HIPK2: variants seen among roughly 807,000 people sequenced by gnomAD.
HIPK2 encodes the protein homeodomain-interacting protein kinase 2.
A neutral mutation model predicts 113.7 loss-of-function variants in HIPK2; 27 were observed. The ratio of observed to expected loss-of-function variants is 0.24; its 90% confidence interval spans 0.17 to 0.33. The LOEUF is 0.33. Ranked by LOEUF, HIPK2 falls within the 10% of genes least tolerant of loss-of-function variation. The probability of loss-of-function intolerance (pLI) is 1.00; values close to 1 mark genes in which losing one functional copy is unlikely to be tolerated. For missense variants in HIPK2, 1,257 were observed against 1,588.0 expected (o/e 0.79, Z 3.54); for synonymous variants, 631 against 642.2 (o/e 0.98, Z 0.26).
chr7:139,632,554 C>T (rs1800654313), intron 2 of HIPK2, among the ~76,000 whole-genome samples: 1 of 152,132 alleles, frequency 6.6e-6, no homozygotes, highest in South Asian at 2.1e-4. Flanking sequence ...ACCAGGATTC[C>T]AGCGTAAACT....
intron 2 of HIPK2, among the ~76,000 whole-genome samples, chr7:139,663,542 A>G (rs1218111443): frequency 6.6e-6 from 1 of 152,290 alleles, no homozygotes; most frequent in East Asian, 1.9e-4. Flanking sequence ...CTGGTATTCT[A>G]TGCCAAACCA....
chr7:139,700,090 G>A (rs1488047658), intron 2 of HIPK2, among the ~76,000 whole-genome samples: 3 of 152,218 alleles, frequency 2.0e-5, no homozygotes, highest in African/African-American at 7.2e-5. Flanking sequence ...CCTCAGTGGC[G>A]CTCTCTAGAG....
chr7:139,712,024 G>C (rs1795082595), intron 2 of HIPK2, among the ~76,000 whole-genome samples: 1 of 152,108 alleles, frequency 6.6e-6, no homozygotes, highest in African/African-American at 2.4e-5. Flanking sequence ...CTTTCTCCCA[G>C]GGTACTCCCA....
chr7:139,596,856 C>T lies in HIPK2; in HGVS notation c.2578G>A (p.Gly860Ser), dbSNP rs1799234817. 6.2e-7 allele frequency: 1 copy of T among 1,613,964 alleles called. No homozygotes were observed. Among genetic ancestry groups the T allele is most frequent in the Non-Finnish European group, 8.5e-7 (1 of 1,179,898 alleles). ...ACSTSVTCGWGDVASSTTRER... is the reference protein window; with the variant it reads ...ACSTSVTCGWSDVASSTTRER... ...CGGGTGGTGCTGGAGGCCACGTCGC[C>T]CCACCCACAGGTGACCGAGGTGCTG... Residue 860 changes from glycine (G) to serine (S), a missense_variant, in exon 12 of 15, where the codon GGC becomes AGC. Transcript: ENST00000406875.
chr7:139,641,941 TA>T (rs1801040598), intron 2 of HIPK2, among the ~76,000 whole-genome samples: 1 of 152,084 alleles, frequency 6.6e-6, no homozygotes, highest in African/African-American at 2.4e-5. Flanking sequence ...TCACCATCTA[TA>T]AAATGTGATT....
intron 1 of HIPK2, among the ~76,000 whole-genome samples, chr7:139,719,035 T>C (rs1473562382): frequency 1.3e-5 from 2 of 152,204 alleles, no homozygotes; most frequent in Non-Finnish European, 2.9e-5. Flanking sequence ...TGACCACGAC[T>C]TCCTTCTTGA....
chr7:139,751,919 A>C (rs1419107897), intron 1 of HIPK2, among the ~76,000 whole-genome samples: 1 of 152,174 alleles, frequency 6.6e-6, no homozygotes, highest in East Asian at 1.9e-4. Context: ...CAAAGATCAC[A>C]GAAGGAAGGA....
At chr7:139,761,002 G>T (rs1193265892) in intron 1 of HIPK2, among the ~76,000 whole-genome samples, 1 of 152,110 alleles carries the variant, frequency 6.6e-6, no homozygotes, top group Non-Finnish European at 1.5e-5. Context: ...GTAATGATTA[G>T]AACACACCAG....
chr7:139,623,297 G>A (rs1446023784), intron 6 of HIPK2, among the ~76,000 whole-genome samples: 1 of 152,092 alleles, frequency 6.6e-6, no homozygotes, highest in African/African-American at 2.4e-5. Context: ...GATCACCTGA[G>A]GTCAGGAGCT....
At chr7:139,626,228 A>G (rs1800423999) in intron 6 of HIPK2, among the ~76,000 whole-genome samples, 1 of 150,870 alleles carries the variant, frequency 6.6e-6, no homozygotes, top group Non-Finnish European at 1.5e-5. Context: ...TCAGCCTCCC[A>G]AATAGCTGGG....
chr7:139,591,296 A>G (rs139117343), intron 12 of HIPK2, among the ~76,000 whole-genome samples: 125 of 152,362 alleles, frequency 8.2e-4, no homozygotes, highest in African/African-American at 2.0e-3. Flanking sequence ...AGTAGCCATG[A>G]GTAGTCACCT....
At chr7:139,598,540 C>G (rs1799304023) in intron 11 of HIPK2, among the ~76,000 whole-genome samples, 1 of 152,364 alleles carries the variant, frequency 6.6e-6, no homozygotes, top group East Asian at 1.9e-4. Flanking sequence ...CTGGCCACAT[C>G]ACCAACAAGG....
chr7:139,739,444 G>C (rs1796034547), intron 1 of HIPK2, among the ~76,000 whole-genome samples: 1 of 152,018 alleles, frequency 6.6e-6, no homozygotes, highest in South Asian at 2.1e-4. Flanking sequence ...AAAAATAGCA[G>C]GGTGTGGTGG....
intron 2 of HIPK2, among the ~76,000 whole-genome samples, chr7:139,654,624 T>G (rs1212781303): frequency 6.6e-6 from 1 of 152,226 alleles, no homozygotes; most frequent in Admixed American, 6.5e-5. Flanking sequence ...TGTTATGGGC[T>G]TGAGGCTTCA....
chr7:139,716,507 G>A lies in HIPK2; in HGVS notation c.528C>T (p.Ser176=), dbSNP rs753516937. ...ATTSTATSKN[S]GSNSEGDYQL... ...GATAGTCGCCCTCGCTGTTGGAGCC[G>A]CTGTTTTTGGAGGTGGCAGTAGACG... Residue 176 remains serine (S), a synonymous_variant, in exon 2 of 15, where the codon AGC becomes AGT. Transcript: ENST00000406875. The surrounding 1 kb of genome is among the most constrained non-coding windows in gnomAD (Gnocchi z 9.3). 1.8e-5 allele frequency: 29 copies of A among 1,613,872 alleles called. No homozygotes were observed. Among genetic ancestry groups the A allele is most frequent in the East Asian group, 1.6e-4 (7 of 44,896 alleles).
At position 139,637,223 on chromosome 7, in the gene HIPK2, T is replaced by C. The variant is rs534934513; in HGVS notation, c.1104-5498A>G. On this transcript the variant is annotated intron_variant, in intron 2 of 14. Coordinates refer to ENST00000406875, the MANE Select transcript of HIPK2 (RefSeq NM_022740.5). ...CCCTTCCTTGTGCCCACTTCCTCCA[T>C]GGCAGCCACAGGGAACAGATGGCAC... 2.0e-5 allele frequency among the ~76,000 whole-genome samples: 3 copies of C among 152,268 alleles called. No homozygotes were observed. The East Asian group carries it at 5.8e-4, about 29-fold the overall frequency.
chr7:139,617,187 C>T (rs1200481429), intron 7 of HIPK2, among the ~76,000 whole-genome samples: 3 of 152,296 alleles, frequency 2.0e-5, no homozygotes, highest in Non-Finnish European at 2.9e-5. Flanking sequence ...ACACAGAGAA[C>T]TGGGAAGAGC....
At chr7:139,652,921 T>A (rs1315026697) in intron 2 of HIPK2, among the ~76,000 whole-genome samples, 1 of 151,948 alleles carries the variant, frequency 6.6e-6, no homozygotes, top group East Asian at 1.9e-4. Flanking sequence ...GGTGGGTGGA[T>A]CATTTGAGGT....
At position 139,573,303 on chromosome 7, in the gene HIPK2, G is replaced by T. The variant is rs775752128; in HGVS notation, c.3221C>A (p.Pro1074Gln). 5.6e-6 allele frequency: 9 copies of T among 1,605,176 alleles called. No homozygotes were observed. In the South Asian group the frequency reaches 9.9e-5, roughly 18 times the overall value. Residue 1074 changes from proline to glutamine, a missense_variant, in exon 15 of 15, where the codon CCG becomes CAG. By Grantham distance (76) the Pro-to-Gln change is moderately conservative. Around this residue, in one of 5 missense-constraint regions of HIPK2, gnomAD observed 862 missense variants for 1,004.3 expected, o/e 0.86. Transcript: ENST00000406875. ...AGTGCCGTGGCTGGGGCTGTTGTGC[G>T]GGAAGGAGTACGGAGCCTGGGCCAT... Reference protein sequence around the residue: ...PTMAQAPYSFPHNSPSHGTVH... With the variant: ...PTMAQAPYSFQHNSPSHGTVH...
Sources: allele counts gnomAD v4.1 joint callset (sites outside exome capture counted in the v4.1 genomes callset), GRCh38; gene constraint gnomAD v4.1.1; regional missense constraint gnomAD v4.1.1; non-coding constraint Gnocchi (gnomAD v3.1); transcripts MANE v1.5; gene names NCBI Gene and HGNC (gene_info 2026-07-23, HGNC 2026-07-21).